The following WWOX variants were observed in gnomAD, a reference collection of about 807,000 sequenced individuals.
WWOX encodes the protein WW domain-containing oxidoreductase.
In WWOX, 69 loss-of-function variants were observed where a neutral mutation model predicts 46.2. That is an observed-to-expected ratio of 1.49 (90% CI 1.23 to 1.82). The LOEUF is 1.82. Among genes scored for constraint, WWOX ranks in the 40% most tolerant of loss-of-function variants. WWOX has a pLI of 0.00. For synonymous variants in WWOX, 359 were observed against 202.6 expected, an observed-to-expected ratio of 1.77 and a Z score of -6.56; for missense variants, 919 against 542.6, an observed-to-expected ratio of 1.69 and a Z score of -6.89.
intron 2 of WWOX, among the ~76,000 whole-genome samples, chr16:78,109,567 C>G (rs958864393): frequency 2.0e-5 from 3 of 151,814 alleles, no homozygotes; most frequent in African/African-American, 7.3e-5. Context: ...TTCTTCAAAA[C>G]AAGAGGCAAA....
chr16:78,829,762 C>T (rs1320541750), intron 8 of WWOX, among the ~76,000 whole-genome samples: 1 of 152,142 alleles, frequency 6.6e-6, no homozygotes, highest in Non-Finnish European at 1.5e-5. Flanking sequence ...CAGAGTATCC[C>T]AAGATCCTAC....
At chr16:78,314,215 G>C (rs2151877588) in intron 5 of WWOX, among the ~76,000 whole-genome samples, 1 of 152,012 alleles carries the variant, frequency 6.6e-6, no homozygotes, top group African/African-American at 2.4e-5. Flanking sequence ...GACCATCCTG[G>C]CTAACACAGT....
At chr16:78,609,677 C>G (rs74029591) in intron 8 of WWOX, among the ~76,000 whole-genome samples, 4,546 of 152,104 alleles carry the variant, frequency 0.03, 209 homozygotes, top group African/African-American at 0.1. Context: ...GACATCTACT[C>G]CAAGTTTGCA....
intron 8 of WWOX, among the ~76,000 whole-genome samples, chr16:78,938,491 C>G (rs976861564): frequency 3.9e-5 from 6 of 151,996 alleles, no homozygotes; most frequent in Non-Finnish European, 7.4e-5. Context: ...CTATCTCCTG[C>G]TGCTGTCTCG....
intron 5 of WWOX, among the ~76,000 whole-genome samples, chr16:78,187,665 A>T (rs2035753783): frequency 6.6e-6 from 1 of 152,210 alleles, no homozygotes; most frequent in African/African-American, 2.4e-5. Context: ...AGGGTTACAG[A>T]AACAGTTTCA....
At chr16:78,931,262 G>C (rs1030081830) in intron 8 of WWOX, among the ~76,000 whole-genome samples, 1 of 152,154 alleles carries the variant, frequency 6.6e-6, no homozygotes, top group Non-Finnish European at 1.5e-5. Context: ...TGGGAACGCA[G>C]GTCAGCATGC....
At chr16:79,104,293 T>C (rs1442677162) in intron 8 of WWOX, among the ~76,000 whole-genome samples, 1 of 152,216 alleles carries the variant, frequency 6.6e-6, no homozygotes, top group Non-Finnish European at 1.5e-5. Flanking sequence ...TGGTAAAACC[T>C]CAGTTATCAT....
intron 5 of WWOX, among the ~76,000 whole-genome samples, chr16:78,376,284 T>A (rs1297015576): frequency 1.3e-5 from 2 of 152,206 alleles, no homozygotes; most frequent in African/African-American, 2.4e-5. Flanking sequence ...TAGTGAAGTA[T>A]GTGGGGGCGG....
intron 7 of WWOX, among the ~76,000 whole-genome samples, chr16:78,432,144 G>A (rs985805030): frequency 1.3e-5 from 2 of 149,092 alleles, no homozygotes; most frequent in Non-Finnish European, 3.0e-5. Context: ...TTGAGACCGA[G>A]TCTAGCTCTG....
At chr16:79,029,754 A>T (rs1384741054) in intron 8 of WWOX, among the ~76,000 whole-genome samples, 1 of 152,170 alleles carries the variant, frequency 6.6e-6, no homozygotes, top group Non-Finnish European at 1.5e-5. Context: ...AGCTTCCAGG[A>T]ATCTCAATTA....
chr16:78,152,724 C>T (rs1235591777), intron 4 of WWOX, among the ~76,000 whole-genome samples: 2 of 152,196 alleles, frequency 1.3e-5, no homozygotes, highest in African/African-American at 4.8e-5. Flanking sequence ...GCACTAGTAG[C>T]CAGCCTGGGG....
intron 8 of WWOX, among the ~76,000 whole-genome samples, chr16:78,707,098 C>T (rs865823381): frequency 9.9e-5 from 15 of 152,282 alleles, no homozygotes; most frequent in Non-Finnish European, 1.8e-4. Context: ...TAATTGACAT[C>T]CAGGTTATCA....
At chr16:79,147,890 C>G (rs1010529626) in intron 8 of WWOX, among the ~76,000 whole-genome samples, 4 of 151,974 alleles carry the variant, frequency 2.6e-5, no homozygotes, top group African/African-American at 9.7e-5. Flanking sequence ...GGTGAAATGT[C>G]TATTAATGTT....
chr16:78,272,460 G>A (rs963618992), intron 5 of WWOX, among the ~76,000 whole-genome samples: 4 of 152,186 alleles, frequency 2.6e-5, no homozygotes, highest in African/African-American at 9.7e-5. Flanking sequence ...TGGCTTAGGG[G>A]TTGGCACAGC....
At chr16:78,194,840 A>C (rs1486134512) in intron 5 of WWOX, among the ~76,000 whole-genome samples, 1 of 151,872 alleles carries the variant, frequency 6.6e-6, no homozygotes, top group African/African-American at 2.4e-5. Context: ...TATTCTTAGC[A>C]CTTAGAACCC....
intron 8 of WWOX, among the ~76,000 whole-genome samples, chr16:79,010,563 A>G (rs1237855570): frequency 6.6e-6 from 1 of 152,170 alleles, no homozygotes; most frequent in African/African-American, 2.4e-5. Flanking sequence ...AGAAACAGAC[A>G]ATTCATGAAA....
At chr16:78,567,583 GT>G (rs201892418) in intron 8 of WWOX, among the ~76,000 whole-genome samples, 13 of 145,542 alleles carry the variant, frequency 8.9e-5, no homozygotes, top group African/African-American at 2.8e-4. Flanking sequence ...AAAGAAGTGA[GT>G]TTTTTTTGTG....
chr16:78,921,442 C>A (rs183983326), intron 8 of WWOX, among the ~76,000 whole-genome samples: 1 of 152,256 alleles, frequency 6.6e-6, no homozygotes. Flanking sequence ...ATTTGAGCTG[C>A]AAAATCATAG....
chr16:78,983,264 G>T (rs1021637295), intron 8 of WWOX, among the ~76,000 whole-genome samples: 3 of 152,194 alleles, frequency 2.0e-5, no homozygotes, highest in Admixed American at 6.5e-5. Context: ...CTAAGCTGAA[G>T]AAAGGAAGTG....
Sources: allele counts gnomAD v4.1 joint callset (sites outside exome capture counted in the v4.1 genomes callset), GRCh38; gene constraint gnomAD v4.1.1; transcripts MANE v1.5; gene names NCBI Gene and HGNC (gene_info 2026-07-23, HGNC 2026-07-21).